The following RAPGEF2 variants were observed in gnomAD, a reference collection of about 807,000 sequenced individuals.
RAPGEF2 encodes PDZ domain containing guanine nucleotide exchange factor (GEF) 1.
Under a neutral mutation model 186.7 loss-of-function variants are expected in RAPGEF2, and 54 were observed. That is an observed-to-expected ratio of 0.29 (90% CI 0.23 to 0.36). RAPGEF2 has a LOEUF of 0.36. Ranked by LOEUF, RAPGEF2 falls within the 10% of genes least tolerant of loss-of-function variation. The pLI, the probability that RAPGEF2 is intolerant of heterozygous loss-of-function variation, is 1.00. For missense variants in RAPGEF2, 1,532 were observed against 2,045.0 expected (o/e 0.75, Z 4.84); for synonymous variants, 712 against 705.9 (o/e 1.01, Z -0.14).
In RAPGEF2 at chr4:159,330,515, A is replaced by C. The variant is rs371739050; in HGVS notation, c.1467+17A>C. On this transcript the variant is annotated intron_variant, in intron 13 of 29. Coordinates refer to ENST00000691494, the MANE Select transcript of RAPGEF2 (RefSeq NM_001394067.2). ...AGGGATAAGGTTGGAAATATATTCTATTTTGTCTCTTAAATATGAAATGTA... is the reference window on the plus strand; with the variant it reads ...AGGGATAAGGTTGGAAATATATTCTCTTTTGTCTCTTAAATATGAAATGTA... 2 of 1,566,634 alleles carry C rather than the reference A, an allele frequency of 1.3e-6. No individual in the cohort carries two copies. Among genetic ancestry groups the C allele is most frequent in the South Asian group, 1.2e-5 (1 of 84,214 alleles).
At chr4:159,149,689 C>T (rs1398629686) in intron 1 of RAPGEF2, among the ~76,000 whole-genome samples, 1 of 152,128 alleles carries the variant, frequency 6.6e-6, no homozygotes, top group Non-Finnish European at 1.5e-5. Context: ...ATGTATTTCC[C>T]TAAATAGGTT....
chr4:159,292,249 A>G (rs1579795351), intron 7 of RAPGEF2, among the ~76,000 whole-genome samples: 1 of 152,098 alleles, frequency 6.6e-6, no homozygotes, highest in East Asian at 1.9e-4. Context: ...TCTCCTTGTC[A>G]GAGCTTGTAC....
chr4:159,156,165 G>A (rs1011116872), intron 1 of RAPGEF2, among the ~76,000 whole-genome samples: 12 of 152,122 alleles, frequency 7.9e-5, no homozygotes, highest in African/African-American at 2.9e-4. Context: ...TTTATATGAA[G>A]GCTTGATTGA....
intron 1 of RAPGEF2, among the ~76,000 whole-genome samples, chr4:159,118,730 C>T (rs375339667): frequency 4.1e-4 from 63 of 152,002 alleles, no homozygotes; most frequent in African/African-American, 1.4e-3. Flanking sequence ...GGATTACAGG[C>T]GCCCGCCTCC....
Position 159,174,764 on chromosome 4 carries a change from T to C in RAPGEF2, c.70-11878T>C, listed in dbSNP as rs550200467. ...ATACATGTCTTTTCTTTCTTTCTTT[T>C]TTTTTTTTTTGAGATAGGGTCTTGC... is the stretch of plus-strand genomic sequence containing the variant. On this transcript the variant is annotated intron_variant, in intron 1 of 29. Coordinates refer to ENST00000691494, the MANE Select transcript of RAPGEF2 (RefSeq NM_001394067.2). 1.4e-4 allele frequency among the ~76,000 whole-genome samples: 21 copies of C among 151,552 alleles called. No homozygotes were observed. The South Asian group carries it at 1.7e-3, about 12-fold the overall frequency.
intron 1 of RAPGEF2, among the ~76,000 whole-genome samples, chr4:159,122,384 CAGG>C (rs1331177310): frequency 6.6e-6 from 1 of 151,266 alleles, no homozygotes; most frequent in Non-Finnish European, 1.5e-5. Context: ...GAGGCTGAGG[CAGG>C]AGAACTGCTT....
At chr4:159,340,667 C>CACACA (rs1729273686) in intron 19 of RAPGEF2, among the ~76,000 whole-genome samples, 1 of 76,846 alleles carries the variant, frequency 1.3e-5, no homozygotes, top group Non-Finnish European at 2.6e-5. Flanking sequence ...ACCACCATCA[C>CACACA]CACACACACA....
At chr4:159,291,084 A>C (rs2110956833) in intron 7 of RAPGEF2, among the ~76,000 whole-genome samples, 1 of 152,346 alleles carries the variant, frequency 6.6e-6, no homozygotes, top group South Asian at 2.1e-4. Context: ...GCAACTTAAG[A>C]AGGGTAACAT....
intron 8 of RAPGEF2, among the ~76,000 whole-genome samples, chr4:159,312,693 AAAT>A (rs1377037722): frequency 6.6e-6 from 1 of 152,158 alleles, no homozygotes; most frequent in Admixed American, 6.6e-5. Flanking sequence ...TTTCTTTTTT[AAAT>A]AATATATGCA....
At chr4:159,241,127 GTTTC>G in intron 5 of RAPGEF2, 70 bp from the exon 6 acceptor site, 1 of 1,211,252 alleles carries the variant, frequency 8.3e-7, no homozygotes, top group Non-Finnish European at 1.1e-6. Flanking sequence ...TTATCTGTAA[GTTTC>G]TTTCTGTATC....
At position 159,329,959 on chromosome 4, in the gene RAPGEF2, A is replaced by G; in HGVS notation, c.1251A>G (p.Glu417=). ...AAGGAGAGATTGTTATGGTGAAAGA[A>G]CACCGAGAACTTGATCGAACTGGAA... The part of the protein sequence containing the change: ...EEEGEIVMVK[E]HRELDRTGTR... The change falls in exon 12 of 30, where the codon GAA becomes GAG. Residue 417 remains glutamate, a synonymous_variant. Transcript: ENST00000691494. The G allele has an allele frequency of 6.2e-7, 1 of 1,613,542 alleles. No homozygotes were observed. Among genetic ancestry groups the G allele is most frequent in the Non-Finnish European group, 8.5e-7 (1 of 1,179,610 alleles).
chr4:159,127,715 T>C (rs537158071), intron 1 of RAPGEF2, among the ~76,000 whole-genome samples: 7 of 152,296 alleles, frequency 4.6e-5, no homozygotes, highest in African/African-American at 1.7e-4. Context: ...TAATATGAAG[T>C]GTGTTTGACA....
intron 6 of RAPGEF2, among the ~76,000 whole-genome samples, chr4:159,242,182 A>G (rs2111479877): frequency 6.6e-6 from 1 of 152,070 alleles, no homozygotes; most frequent in South Asian, 2.1e-4. Flanking sequence ...TTCAAGAGCA[A>G]AGTCGCTTAG....
chr4:159,134,307 A>G (rs1741456690), intron 1 of RAPGEF2, among the ~76,000 whole-genome samples: 1 of 152,202 alleles, frequency 6.6e-6, no homozygotes, highest in South Asian at 2.1e-4. Flanking sequence ...TGTTGTATGT[A>G]TCAATGGTTT....
intron 7 of RAPGEF2, among the ~76,000 whole-genome samples, chr4:159,255,240 C>T (rs1011915263): frequency 1.3e-5 from 2 of 152,126 alleles, no homozygotes; most frequent in Admixed American, 1.3e-4. Context: ...GGAATGTATT[C>T]CCCGTCATTC....
intron 4 of RAPGEF2, among the ~76,000 whole-genome samples, chr4:159,230,194 C>G (rs1054246821): frequency 2.8e-4 from 42 of 152,192 alleles, no homozygotes; most frequent in Non-Finnish European, 3.5e-4. Flanking sequence ...ACCACCTTTT[C>G]CTACTTTATG....
intron 25 of RAPGEF2, 22 bp downstream of exon 25, chr4:159,347,020 T>A: frequency 1.3e-6 from 2 of 1,589,130 alleles, no homozygotes; most frequent in Non-Finnish European, 1.7e-6. Context: ...CATTCATTTC[T>A]TTTTTTGGTG....
At chr4:159,306,656 C>T (rs1050680153) in intron 8 of RAPGEF2, among the ~76,000 whole-genome samples, 1 of 152,050 alleles carries the variant, frequency 6.6e-6, no homozygotes, top group Non-Finnish European at 1.5e-5. Flanking sequence ...CTGGCTAGGA[C>T]TTAGAATACT....
intron 1 of RAPGEF2, among the ~76,000 whole-genome samples, chr4:159,147,785 G>A (rs966418348): frequency 6.6e-6 from 1 of 152,184 alleles, no homozygotes; most frequent in Non-Finnish European, 1.5e-5. Context: ...CTAGGTGTGT[G>A]ACTTTAGTCA....
Sources: allele counts gnomAD v4.1 joint callset (sites outside exome capture counted in the v4.1 genomes callset), GRCh38; gene constraint gnomAD v4.1.1; transcripts MANE v1.5; gene names NCBI Gene and HGNC (gene_info 2026-07-23, HGNC 2026-07-21).